The following LEPR variants were observed in gnomAD, a reference collection of about 807,000 sequenced individuals.
LEPR encodes the protein OB receptor.
In LEPR, 56 loss-of-function variants were observed where a neutral mutation model predicts 114.7. The observed-to-expected ratio is 0.49, with a 90% CI of 0.39 to 0.61. The LOEUF (loss-of-function observed/expected upper bound fraction) is 0.61, where lower values mean the gene tolerates loss of function less well. LEPR is among the 20% of genes least tolerant of loss of function. LEPR has a pLI of 0.00. For missense variants in LEPR, 1,202 were observed against 1,352.9 expected (o/e 0.89, Z 1.75); for synonymous variants, 443 against 461.4 (o/e 0.96, Z 0.51).
rs778876077 is a variant in LEPR, at chr1:65,431,893, G to A, written c.-21+6515G>A. 13 of 1,613,964 alleles carry A rather than the reference G, an allele frequency of 8.1e-6. No individual in the cohort carries two copies. In the South Asian group the frequency reaches 1.3e-4, roughly 16 times the overall value. On this transcript the variant is annotated intron_variant, in intron 2 of 19. Coordinates refer to ENST00000349533, the MANE Select transcript of LEPR (RefSeq NM_002303.6). Reference sequence around the variant, plus strand: ...GTTTTTCCTTATATTTGGAAGAGGAGATGATTTTAGCTGGGAGCAGTGGTA... The same window carrying A: ...GTTTTTCCTTATATTTGGAAGAGGAAATGATTTTAGCTGGGAGCAGTGGTA...
At chr1:65,557,215 C>T (rs925982318) in intron 2 of LEPR, among the ~76,000 whole-genome samples, 2 of 152,016 alleles carry the variant, frequency 1.3e-5, no homozygotes, top group African/African-American at 4.8e-5. Flanking sequence ...GTACTCTTCT[C>T]CTAAACTGTT....
chr1:65,421,274 A>C, intron 1 of LEPR: 1 of 1,476,642 alleles, frequency 6.8e-7, no homozygotes, highest in East Asian at 2.5e-5. Context: ...TGGAGAGTAG[A>C]TTACGTGTAA....
intron 2 of LEPR, among the ~76,000 whole-genome samples, chr1:65,483,903 T>C (rs976865544): frequency 1.1e-4 from 17 of 152,070 alleles, no homozygotes; most frequent in African/African-American, 3.9e-4. Flanking sequence ...ATAACCTTCA[T>C]CATGACTTTA....
rs201594849 is a variant in LEPR at position 65,453,700 on chromosome 1, G to C, written c.-21+28322G>C. Among the ~76,000 whole-genome samples the C allele has an allele frequency of 2.5e-3, 382 of 152,170 alleles. 12 individuals are homozygous for C. In the East Asian group the frequency reaches 0.054, roughly 22 times the overall value. On this transcript the variant is annotated intron_variant, in intron 2 of 19. Transcript: ENST00000349533. ...TTGCTGAGGAGAGCTTTACTTCCAA[G>C]TATGTGGTCAATTTTGGAATAGGTG...
intron 19 of LEPR, chr1:65,634,928 T>C (rs2101044674): frequency 1.2e-6 from 1 of 819,032 alleles, no homozygotes; most frequent in South Asian, 5.6e-5. Flanking sequence ...ATTATGATTA[T>C]GAATAATAGG....
intron 2 of LEPR, among the ~76,000 whole-genome samples, chr1:65,522,951 A>G (rs1305339786): frequency 6.6e-6 from 1 of 151,932 alleles, no homozygotes; most frequent in African/African-American, 2.4e-5. Context: ...CCGTAGTAAT[A>G]ATTTGCTTAG....
intron 2 of LEPR, among the ~76,000 whole-genome samples, chr1:65,501,447 GAGGAAAA>G (rs1648446868): frequency 6.6e-6 from 1 of 151,054 alleles, no homozygotes; most frequent in African/African-American, 2.4e-5. Flanking sequence ...CAGACACAAG[GAGGAAAA>G]CCTTGTGTCT....
intron 2 of LEPR, among the ~76,000 whole-genome samples, chr1:65,476,338 T>G (rs1300665627): frequency 6.6e-6 from 1 of 151,968 alleles, no homozygotes. Flanking sequence ...TTAAAATACT[T>G]TGAACAGTCA....
chr1:65,554,541 G>A (rs986351496), intron 2 of LEPR, among the ~76,000 whole-genome samples: 2 of 152,222 alleles, frequency 1.3e-5, no homozygotes, highest in Non-Finnish European at 2.9e-5. Context: ...TCAAGCCTCA[G>A]TAATGACGGA....
At chr1:65,574,992 G>A (rs973305969) in intron 5 of LEPR, among the ~76,000 whole-genome samples, 1 of 152,288 alleles carries the variant, frequency 6.6e-6, no homozygotes, top group African/African-American at 2.4e-5. Context: ...TCCTCATTCA[G>A]TTGATGGGGG....
chr1:65,601,757 C>T, intron 9 of LEPR, 75 bp downstream of exon 9: 3 of 1,602,346 alleles, frequency 1.9e-6, no homozygotes, highest in Middle Eastern at 1.8e-4. Flanking sequence ...ATATTAGAGT[C>T]CTGTTAAAGA....
intron 2 of LEPR, chr1:65,525,537 C>T: frequency 6.5e-6 from 5 of 772,282 alleles, no homozygotes; most frequent in East Asian, 1.3e-4. Context: ...CGAGTCCGCT[C>T]CTCCCGCTCA....
intron 2 of LEPR, among the ~76,000 whole-genome samples, chr1:65,451,011 A>G (rs1286078046): frequency 1.1e-4 from 17 of 149,486 alleles, no homozygotes; most frequent in African/African-American, 2.0e-4. Context: ...TTTGATTTGC[A>G]TTTCTCTGAT....
At chr1:65,622,401 C>G (rs10889570) in intron 18 of LEPR, among the ~76,000 whole-genome samples, 70,327 of 151,890 alleles carry the variant, frequency 0.46, 17,176 homozygotes, top group East Asian at 0.87. Context: ...CAGGCAAATG[C>G]CTGAGTTCCG....
intron 2 of LEPR, among the ~76,000 whole-genome samples, chr1:65,485,983 C>G (rs1246159340): frequency 6.6e-6 from 1 of 152,152 alleles, no homozygotes; most frequent in African/African-American, 2.4e-5. Context: ...TTAAAAGGCA[C>G]TTTAGCAAAT....
At chr1:65,502,676 T>G (rs374847448) in intron 2 of LEPR, among the ~76,000 whole-genome samples, 3 of 152,172 alleles carry the variant, frequency 2.0e-5, no homozygotes, top group African/African-American at 4.8e-5. Context: ...TTTATAGTTA[T>G]GAAGCCTTCA....
rs372249288 is a variant in LEPR at position 65,610,218 on chromosome 1, T to C, written c.1917T>C (p.Pro639=). ...ACACAACTTGTCATTTTGCAGTTCC[T>C]ATGAGAGGACCTGAATTTTGGAGAA... ...AYTVVMDIKV[P]MRGPEFWRII... The change falls in exon 14 of 20, where the codon CCT becomes CCC. Residue 639 remains proline (P), a synonymous_variant. Coordinates refer to ENST00000349533, the MANE Select transcript of LEPR (RefSeq NM_002303.6). The C allele has an allele frequency of 6.2e-7, 1 of 1,614,088 alleles. No individual in the cohort carries two copies. Among genetic ancestry groups the C allele is most frequent in the South Asian group, 1.1e-5 (1 of 91,062 alleles).
In LEPR at chr1:65,455,237, C is replaced by T. The variant is rs144378388; in HGVS notation, c.-21+29859C>T. On this transcript the variant is annotated intron_variant, in intron 2 of 19. Transcript: ENST00000349533. ...TTTGCCTTTGGTTTGAATTTCCTCCCGTAGCTCGTAGTAATTTGATCGTCT... is the reference window on the plus strand; with the variant it reads ...TTTGCCTTTGGTTTGAATTTCCTCCTGTAGCTCGTAGTAATTTGATCGTCT... Among the ~76,000 whole-genome samples, 853 of 152,204 alleles carry T rather than the reference C, an allele frequency of 5.6e-3. 12 individuals carry two copies. The highest frequency in any genetic ancestry group is 0.019 in the African/African-American group (794 of 41,538).
At position 65,636,304 on chromosome 1, in the gene LEPR, A is replaced by G. The variant is rs1374877667; in HGVS notation, c.2787A>G (p.Lys929=). ...SEDISVDTSW[K]NKDEMMPTTV... The stretch of plus-strand genomic sequence containing the variant: ...ATATCAGTGTTGATACATCATGGAA[A>G]AATAAAGATGAGATGATGCCAACAA... The change falls in exon 20 of 20, where the codon AAA becomes AAG. Residue 929 remains lysine, a synonymous_variant. Coordinates refer to ENST00000349533, the MANE Select transcript of LEPR (RefSeq NM_002303.6). 4 of 1,614,056 alleles carry G rather than the reference A, an allele frequency of 2.5e-6. No homozygotes were observed. The highest frequency in any genetic ancestry group is 3.4e-6 in the Non-Finnish European group (4 of 1,179,950).
Sources: gnomAD v4.1 joint callset for allele counts (sites outside exome capture counted in the v4.1 genomes callset) on GRCh38, gnomAD v4.1.1 for gene constraint, MANE v1.5 for transcripts, NCBI Gene and HGNC (gene_info 2026-07-23, HGNC 2026-07-21) for gene names.